Variants in MAOA observed in about 807,000 individuals in gnomAD.
MAOA encodes the protein monoamine oxidase A, also known as amine oxidase [flavin-containing] A.
A neutral mutation model predicts 42.0 loss-of-function variants in MAOA; 6 were observed. The observed-to-expected ratio is 0.14, with a 90% CI of 0.08 to 0.28. MAOA has a LOEUF of 0.28. MAOA is among the 10% of genes least tolerant of loss of function. The probability of loss-of-function intolerance (pLI) is 1.00; values close to 1 mark genes in which losing one functional copy is unlikely to be tolerated. For missense variants in MAOA, 262 were observed against 422.3 expected (o/e 0.62, Z 3.33); for synonymous variants, 140 against 154.0 (o/e 0.91, Z 0.67).
chrX:43,666,176 G>A (rs1385842358), intron 1 of MAOA, among the ~76,000 whole-genome samples: 1 of 111,895 alleles, frequency 8.9e-6, no homozygotes, highest in Non-Finnish European at 1.9e-5. Flanking sequence ...CAACGTGCAG[G>A]CTCCATCCTA....
intron 2 of MAOA, among the ~76,000 whole-genome samples, chrX:43,688,005 T>G (rs2033500941): frequency 8.9e-6 from 1 of 112,525 alleles, no homozygotes; most frequent in African/African-American, 3.2e-5. Context: ...TCTTTCTTAG[T>G]GCATCAGTGA....
chrX:43,687,340 A>G (rs1213151070), intron 2 of MAOA, among the ~76,000 whole-genome samples: 2 of 112,228 alleles, frequency 1.8e-5, no homozygotes, highest in Non-Finnish European at 3.8e-5. Context: ...TGCTTTAAAG[A>G]TAGTGTCAGC....
intron 1 of MAOA, among the ~76,000 whole-genome samples, chrX:43,679,910 T>A (rs1368642185): frequency 8.9e-6 from 1 of 112,073 alleles, no homozygotes; most frequent in Non-Finnish European, 1.9e-5. Flanking sequence ...ATAAACATAT[T>A]TTTCATCTCA....
At position 43,740,586 on chromosome X, in the gene MAOA, T is replaced by G. The variant is rs370058870; in HGVS notation, c.1107-95T>G. On this transcript the variant is annotated intron_variant, in intron 10 of 14. Transcript: ENST00000338702. ...ATTTATCTGTAATAAATCTGGTTGA[T>G]ACCAAGAGCTCTAGAACTCACTGTA... is the stretch of plus-strand genomic sequence containing the variant. 2.6e-4 allele frequency: 192 copies of G among 730,543 alleles called. No individual in the cohort carries two copies. The East Asian group carries it at 5.8e-3, about 22-fold the overall frequency. The allele number at this position is 730,543 out of a possible 1,213,427, so 60.2% of individuals were successfully genotyped here. A position where few individuals can be genotyped will look rare whatever the true frequency, so the allele number is the denominator to read the frequency against.
chrX:43,731,921 A>G (rs1238331029), intron 8 of MAOA, 68 bp downstream of exon 8: 2 of 994,518 alleles, frequency 2.0e-6, no homozygotes, highest in Admixed American at 2.2e-5. Flanking sequence ...GGATTATTGA[A>G]CAGAAGGTAT....
intron 2 of MAOA, among the ~76,000 whole-genome samples, chrX:43,688,845 A>G (rs890048336): frequency 1.1e-4 from 12 of 111,705 alleles, no homozygotes; most frequent in African/African-American, 3.6e-4. Context: ...TTGAAGCTAT[A>G]TTACTCAGTT....
chrX:43,739,487 T>C (rs1023480746), intron 10 of MAOA, among the ~76,000 whole-genome samples: 3 of 112,415 alleles, frequency 2.7e-5, no homozygotes, highest in African/African-American at 9.7e-5. Flanking sequence ...AGGATTTAGA[T>C]AAATTTATAA....
chrX:43,714,676 T>C (rs1013795128), intron 5 of MAOA, among the ~76,000 whole-genome samples: 3 of 106,473 alleles, frequency 2.8e-5, no homozygotes, highest in African/African-American at 3.4e-5. Context: ...GCCCCCACAG[T>C]GTTAGGGAGT....
chrX:43,726,272 A>C (rs1409730373), intron 5 of MAOA, among the ~76,000 whole-genome samples: 30 of 112,044 alleles, frequency 2.7e-4, no homozygotes, highest in Non-Finnish European at 1.1e-4. Context: ...AGTGTTTTCC[A>C]AGTTGGTTCC....
intron 1 of MAOA, among the ~76,000 whole-genome samples, chrX:43,666,153 C>T (rs1176846642): frequency 8.9e-6 from 1 of 112,064 alleles, no homozygotes; most frequent in Admixed American, 9.5e-5. Context: ...TTGCAACAAG[C>T]ATTTGGGCAC....
At chrX:43,702,599 G>C (rs1169026843) in intron 3 of MAOA, among the ~76,000 whole-genome samples, 1 of 112,326 alleles carries the variant, frequency 8.9e-6, no homozygotes, top group East Asian at 2.8e-4. Context: ...CAGAAAACTT[G>C]AGAGTTAATT....
chrX:43,688,048 G>A (rs2147082828), intron 2 of MAOA, among the ~76,000 whole-genome samples: 1 of 112,054 alleles, frequency 8.9e-6, no homozygotes, highest in South Asian at 3.7e-4. Flanking sequence ...TCAGATTTTA[G>A]CATTTCCCTG....
chrX:43,656,564 TG>T (rs2033181453), intron 1 of MAOA, 150 bp downstream of exon 1: 1 of 534,911 alleles, frequency 1.9e-6, no homozygotes, highest in Non-Finnish European at 3.2e-6. Flanking sequence ...GAGGTAGGAG[TG>T]GGGGTTGTGC....
intron 5 of MAOA, among the ~76,000 whole-genome samples, chrX:43,717,597 G>A (rs1354486999): frequency 1.8e-5 from 2 of 110,654 alleles, no homozygotes; most frequent in Non-Finnish European, 3.8e-5. Context: ...ATGACCCAGA[G>A]GGATGGGGGA....
Position 43,712,803 on chromosome X carries a change from A to C in MAOA, c.503+7A>C. 3 of 1,155,471 alleles carry C rather than the reference A, an allele frequency of 2.6e-6. No individual in the cohort carries two copies. The highest frequency in any genetic ancestry group is 2.4e-6 in the Non-Finnish European group (2 of 844,602). ...ACAAAATCTGCTGGACAAAGTAAGT[A>C]GACTTGACCATTCAAAATTTACTTT... On this transcript the variant is annotated splice_region_variant and intron_variant, in intron 5 of 14. Transcript: ENST00000338702.
At chrX:43,678,292 G>A (rs1601930199) in intron 1 of MAOA, among the ~76,000 whole-genome samples, 1 of 111,590 alleles carries the variant, frequency 9.0e-6, no homozygotes, top group Non-Finnish European at 1.9e-5. Context: ...TTAAATGATG[G>A]AAAATAAAAG....
chrX:43,711,230 G>A (rs2033697315), intron 3 of MAOA, among the ~76,000 whole-genome samples: 1 of 111,596 alleles, frequency 9.0e-6, no homozygotes, highest in African/African-American at 3.3e-5. Flanking sequence ...CAGCTATACA[G>A]AAAAGAAGAG....
rs758961075 is a variant in MAOA, at chrX:43,711,865, G to A, written c.307-7G>A. 2 of 1,158,313 alleles carry A rather than the reference G, an allele frequency of 1.7e-6. No homozygotes were observed. The highest frequency in any genetic ancestry group is 1.8e-5 in the South Asian group (1 of 55,768). On this transcript the variant is annotated splice_region_variant and splice_polypyrimidine_tract_variant and intron_variant, in intron 3 of 14. Transcript: ENST00000338702. ...TTTGATTGATTCTGTTTGCTTTTAT[G>A]TTCTAGGGGAAAACATATCCATTTC...
rs2033962593 is a variant in MAOA, at chrX:43,741,879, A to G, written c.1165-71A>G. On this transcript the variant is annotated intron_variant, in intron 11 of 14. Transcript: ENST00000338702. ...CTTAATGTAAACTTTTTGTTAAAGC[A>G]ACGATATTATTGACTCGCAGCATTT... is the stretch of plus-strand genomic sequence containing the variant. The G allele has an allele frequency of 6.1e-5, 73 of 1,196,410 alleles. No homozygotes were observed. In the South Asian group the frequency reaches 1.3e-3, roughly 22 times the overall value.
Sources: gnomAD v4.1 joint callset for allele counts (sites outside exome capture counted in the v4.1 genomes callset) on GRCh38, gnomAD v4.1.1 for gene constraint, MANE v1.5 for transcripts, NCBI Gene and HGNC (gene_info 2026-07-23, HGNC 2026-07-21) for gene names.